Variants in ARHGEF2 observed in about 807,000 individuals in gnomAD.
ARHGEF2 encodes the protein Rho/Rac guanine nucleotide exchange factor 2, also known as rho guanine nucleotide exchange factor 2.
Under a neutral mutation model 121.0 loss-of-function variants are expected in ARHGEF2, and 22 were observed. That is an observed-to-expected ratio of 0.18 (90% CI 0.13 to 0.26). The LOEUF is 0.26. Among genes scored for constraint, ARHGEF2 ranks in the 10% least tolerant of loss-of-function variants. ARHGEF2 has a pLI of 1.00. For missense variants in ARHGEF2, 907 were observed against 1,336.0 expected, an observed-to-expected ratio of 0.68 and a Z score of 5.01; for synonymous variants, 487 against 530.0, an observed-to-expected ratio of 0.92 and a Z score of 1.11.
Position 155,952,659 on chromosome 1 carries a change from G to A in ARHGEF2, c.1953C>T (p.Gly651=), listed in dbSNP as rs774965089. 9 of 1,613,238 alleles carry A rather than the reference G, an allele frequency of 5.6e-6. No homozygotes were observed. The Admixed American group carries it at 8.3e-5, about 15-fold the overall frequency. Residue 651 remains glycine (G), a synonymous_variant, in exon 15 of 22, where the codon GGC becomes GGT. Coordinates refer to ENST00000361247, the MANE Select transcript of ARHGEF2 (RefSeq NM_001162383.2). The part of the protein sequence containing the change: ...FRSESLESPR[G]ERLLQDAIRE... ...GGATGGCATCCTGCAGCAGCCGCTC[G>A]CCACGAGGGGACTCAAGGGACTCAG...
At chr1:155,960,007 TG>T (rs1438277883) in intron 11 of ARHGEF2, among the ~76,000 whole-genome samples, 1 of 152,138 alleles carries the variant, frequency 6.6e-6, no homozygotes, top group Non-Finnish European at 1.5e-5. Flanking sequence ...CGCAGAGGAC[TG>T]AAAGACCATC....
chr1:155,969,694 C>T, intron 1 of ARHGEF2: 1 of 1,013,638 alleles, frequency 9.9e-7, no homozygotes, highest in Non-Finnish European at 1.2e-6. Context: ...GAGGGGAGAG[C>T]AGGCGAAGCG....
intron 13 of ARHGEF2, among the ~76,000 whole-genome samples, chr1:155,956,190 C>G (rs1334419430): frequency 6.6e-6 from 1 of 152,088 alleles, no homozygotes; most frequent in African/African-American, 2.4e-5. Flanking sequence ...ACCTCCACCC[C>G]CGGGTTCAAG....
chr1:155,967,502 G>A (rs185009541), intron 2 of ARHGEF2, among the ~76,000 whole-genome samples: 9 of 152,158 alleles, frequency 5.9e-5, no homozygotes, highest in East Asian at 1.9e-4. Context: ...TCCAAAGGCC[G>A]TGCTCCTTCC....
intron 1 of ARHGEF2, among the ~76,000 whole-genome samples, chr1:155,971,894 A>AAAAAAATATATATATAT (rs1553249067): frequency 6.6e-5 from 10 of 150,662 alleles, no homozygotes; most frequent in African/African-American, 2.4e-4. Flanking sequence ...AAAAAAAAAA[A>AAAAAAATATATATATAT]ATATATACAT....
chr1:155,965,758 T>A lies in ARHGEF2; in HGVS notation c.343A>T (p.Thr115Ser). 1 of 1,595,844 alleles carries A rather than the reference T, an allele frequency of 6.3e-7. No individual in the cohort carries two copies. The highest frequency in any genetic ancestry group is 8.5e-7 in the Non-Finnish European group (1 of 1,175,660). Reference sequence around the variant, plus strand: ...GCCGAGCTTGGCCGCTCCCGGATGGTTGCTGTGGGGGAGAGATGCCCAGCA... The same window carrying A: ...GCCGAGCTTGGCCGCTCCCGGATGGATGCTGTGGGGGAGAGATGCCCAGCA... Reference protein sequence around the residue: ...LQSVSLRSKTTIRERPSSAIY... With the variant: ...LQSVSLRSKTSIRERPSSAIY... The change falls in exon 5 of 22, where the codon ACC becomes TCC. Residue 115 changes from threonine (T) to serine (S), a missense_variant and splice_region_variant. Around this residue, in one of 2 missense-constraint regions of ARHGEF2, gnomAD observed 475 missense variants for 776.5 expected, o/e 0.61. Transcript: ENST00000361247. The surrounding 1 kb of genome is among the most constrained non-coding windows in gnomAD (Gnocchi z 6.0).
chr1:155,964,144 C>CAAAAAAAA (rs71576039), intron 7 of ARHGEF2, among the ~76,000 whole-genome samples: 1 of 55,762 alleles, frequency 1.8e-5, no homozygotes, highest in African/African-American at 1.0e-4. Flanking sequence ...GACTCTGCTT[C>CAAAAAAAA]AAAAAAAAAA....
rs1404451460 is a variant in ARHGEF2, at chr1:155,947,974, G to A, written c.2929C>T (p.Arg977Cys). ...MQDIPEETES[R>C]DGEAVASES ...TCGGAGGCTACAGCCTCCCCGTCGC[G>A]GCTCTCCGTCTCCTCCGGGATGTCC... Residue 977 changes from arginine to cysteine, a missense_variant, in exon 22 of 22, where the codon CGC becomes TGC. This residue lies in a region of ARHGEF2 where 432 missense variants were observed against 559.5 expected (regional missense o/e 0.77). Coordinates refer to ENST00000361247, the MANE Select transcript of ARHGEF2 (RefSeq NM_001162383.2). 1.9e-6 allele frequency: 3 copies of A among 1,551,018 alleles called. No homozygotes were observed. Among genetic ancestry groups the A allele is most frequent in the Non-Finnish European group, 2.6e-6 (3 of 1,146,778 alleles).
At chr1:155,957,686 A>G in intron 13 of ARHGEF2, 27 bp downstream of exon 13, 1 of 1,592,230 alleles carries the variant, frequency 6.3e-7, no homozygotes, top group Non-Finnish European at 8.5e-7. Flanking sequence ...GGTCATAAGC[A>G]CATGCAGGCG....
chr1:155,978,085 AGCGGCCTAAAGCACTCGGTCCC>A lies in ARHGEF2; in HGVS notation c.63+258_63+279del. The A allele has an allele frequency of 8.5e-7, 1 of 1,178,224 alleles. No individual in the cohort carries two copies. Among genetic ancestry groups the A allele is most frequent in the Non-Finnish European group, 1.0e-6 (1 of 952,506 alleles). 73.0% of individuals were successfully genotyped at this position (1,178,224 alleles called of 1,614,324 possible). On this transcript the variant is annotated intron_variant, in intron 1 of 21. Coordinates refer to ENST00000361247, the MANE Select transcript of ARHGEF2 (RefSeq NM_001162383.2). The surrounding 1 kb of genome is among the most constrained non-coding windows in gnomAD (Gnocchi z 4.1). ...CCCTTACCGGAGCAACTTTCTTTCA[AGCGGCCTAAAGCACTCGGTCCC>A]GCCGGCTTGGAGGCGACCAAGCCCA...
chr1:155,978,552 C>A, upstream of ARHGEF2: 1 of 1,267,140 alleles, frequency 7.9e-7, no homozygotes, highest in South Asian at 2.6e-5. The surrounding 1 kb of genome is among the most constrained non-coding windows in gnomAD (Gnocchi z 4.1). Context: ...TGACTCCCCT[C>A]GCCCGGCACC....
intron 7 of ARHGEF2, among the ~76,000 whole-genome samples, chr1:155,963,436 C>G (rs1678393993): frequency 6.7e-6 from 1 of 149,240 alleles, no homozygotes. Flanking sequence ...ACCTCCACCT[C>G]CTAGGTTCGA....
At chr1:155,973,789 A>T (rs1407633501) in intron 1 of ARHGEF2, among the ~76,000 whole-genome samples, 14 of 152,092 alleles carry the variant, frequency 9.2e-5, no homozygotes, top group Non-Finnish European at 1.2e-4. Flanking sequence ...GATGGGAGCA[A>T]TGGCAGAGGG....
chr1:155,966,637 C>G (rs1250915539), intron 3 of ARHGEF2, among the ~76,000 whole-genome samples, 158 bp from the exon 4 acceptor site: 1 of 152,116 alleles, frequency 6.6e-6, no homozygotes, highest in Non-Finnish European at 1.5e-5. Flanking sequence ...GCTGTGGGGA[C>G]ATGTCTGCAG....
intron 1 of ARHGEF2, among the ~76,000 whole-genome samples, chr1:155,973,090 GATAA>G (rs1680745763): frequency 1.3e-5 from 2 of 151,880 alleles, no homozygotes; most frequent in Admixed American, 1.3e-4. Flanking sequence ...CTACATCAAG[GATAA>G]ATAAAGAATA....
chr1:155,970,609 G>A (rs1005068536), intron 1 of ARHGEF2: 15 of 985,336 alleles, frequency 1.5e-5, no homozygotes, highest in South Asian at 1.4e-4. Flanking sequence ...ACAGTTCAGC[G>A]GGAAGCACTC....
chr1:155,979,261 C>T (rs1176171069), upstream of ARHGEF2: 1 of 985,490 alleles, frequency 1.0e-6, no homozygotes, highest in African/African-American at 1.7e-5. Context: ...TTGGGATTCT[C>T]CACTTTTACC....
chr1:155,954,040 C>T (rs1348806558), intron 14 of ARHGEF2, among the ~76,000 whole-genome samples: 1 of 151,682 alleles, frequency 6.6e-6, no homozygotes, highest in Non-Finnish European at 1.5e-5. Flanking sequence ...TAGTGTATTA[C>T]AGCCTTGAAC....
Position 155,961,059 on chromosome 1 carries a change from C to T in ARHGEF2, c.1468+602G>A, listed in dbSNP as rs369122349. Among the ~76,000 whole-genome samples, 24 of 152,316 alleles carry T rather than the reference C, an allele frequency of 1.6e-4. No individual in the cohort carries two copies. In the South Asian group the frequency reaches 4.8e-3, roughly 30 times the overall value. ...TTCCAGCTGGGGGAATCAACTGATCCTGTCCTCCAGTCTGAGAGCTTCTTT... is the reference window on the plus strand; with the variant it reads ...TTCCAGCTGGGGGAATCAACTGATCTTGTCCTCCAGTCTGAGAGCTTCTTT... On this transcript the variant is annotated intron_variant, in intron 11 of 21. Coordinates refer to ENST00000361247, the MANE Select transcript of ARHGEF2 (RefSeq NM_001162383.2). The surrounding 1 kb of genome is among the most constrained non-coding windows in gnomAD (Gnocchi z 4.7).
Sources: allele counts gnomAD v4.1 joint callset (sites outside exome capture counted in the v4.1 genomes callset), GRCh38; gene constraint gnomAD v4.1.1; regional missense constraint gnomAD v4.1.1; non-coding constraint Gnocchi (gnomAD v3.1); transcripts MANE v1.5; gene names NCBI Gene and HGNC (gene_info 2026-07-23, HGNC 2026-07-21).